Variants in ZNF341 observed in about 807,000 individuals in gnomAD.
The protein encoded by ZNF341 is zinc finger protein 341.
ZNF341 carries 52 observed loss-of-function variants against 87.7 expected under a neutral mutation model. The ratio of observed to expected loss-of-function variants is 0.59; its 90% CI spans 0.47 to 0.75. The LOEUF is 0.75. Ranked by LOEUF, ZNF341 falls within the 30% of genes least tolerant of loss-of-function variation. The probability of loss-of-function intolerance (pLI) is 0.00; values close to 1 mark genes in which losing one functional copy is unlikely to be tolerated. For missense variants in ZNF341, 977 were observed against 1,145.9 expected, an observed-to-expected ratio of 0.85 and a Z score of 2.13; for synonymous variants, 459 against 472.7, an observed-to-expected ratio of 0.97 and a Z score of 0.38.
intron 10 of ZNF341, among the ~76,000 whole-genome samples, chr20:33,775,911 G>C (rs1217050319): frequency 6.6e-6 from 1 of 151,612 alleles, no homozygotes; most frequent in Non-Finnish European, 1.5e-5. Flanking sequence ...TATTGCCCAG[G>C]CTGGCCTAGA....
chr20:33,783,154 C>CAAATAAAATA (rs71192773), intron 11 of ZNF341, among the ~76,000 whole-genome samples: 59,923 of 149,744 alleles, frequency 0.4, 12,524 homozygotes, highest in African/African-American at 0.53. Context: ...AACTGCATCT[C>CAAATAAAATA]AAATAAAATA....
chr20:33,733,764 T>C (rs1215539643), intron 1 of ZNF341, among the ~76,000 whole-genome samples: 1 of 152,182 alleles, frequency 6.6e-6, no homozygotes, highest in African/African-American at 2.4e-5. Context: ...ATTCAAAGAC[T>C]GACTGAGACA....
intron 2 of ZNF341, among the ~76,000 whole-genome samples, chr20:33,744,138 C>T (rs1305697549): frequency 6.6e-6 from 1 of 151,920 alleles, no homozygotes; most frequent in Non-Finnish European, 1.5e-5. Context: ...CAAAAATTAG[C>T]CGGGCGTGGT....
At chr20:33,745,038 C>CT (rs1172870411) in intron 2 of ZNF341, 65 bp from the exon 3 acceptor site, 44 of 1,478,416 alleles carry the variant, frequency 3.0e-5, no homozygotes, top group South Asian at 3.7e-5. Context: ...CATAGTCTTG[C>CT]TTTTTTTTCA....
At chr20:33,778,155 T>TC (rs2019665309) in intron 10 of ZNF341, among the ~76,000 whole-genome samples, 1 of 152,108 alleles carries the variant, frequency 6.6e-6, no homozygotes, top group Non-Finnish European at 1.5e-5. Flanking sequence ...AATCTATGTC[T>TC]CCCCCAAACC....
At chr20:33,749,557 G>C (rs1464451559) in intron 4 of ZNF341, among the ~76,000 whole-genome samples, 1 of 152,040 alleles carries the variant, frequency 6.6e-6, no homozygotes, top group Non-Finnish European at 1.5e-5. Context: ...TCAGCCTCCT[G>C]AAGTGCTAGG....
chr20:33,780,477 G>A (rs954948626), intron 10 of ZNF341, among the ~76,000 whole-genome samples: 4 of 151,894 alleles, frequency 2.6e-5, no homozygotes, highest in Non-Finnish European at 5.9e-5. Context: ...GTGCGATCTC[G>A]GCTCACTGCA....
At chr20:33,759,773 G>GGA (rs747433113) in intron 7 of ZNF341, among the ~76,000 whole-genome samples, 20 of 97,366 alleles carry the variant, frequency 2.1e-4, no homozygotes, top group South Asian at 5.3e-4. Flanking sequence ...AGAGAGAGAG[G>GGA]GAGAGAGAGA....
intron 8 of ZNF341, among the ~76,000 whole-genome samples, chr20:33,764,200 G>A (rs572895300): frequency 6.7e-6 from 1 of 149,746 alleles, no homozygotes; most frequent in Admixed American, 6.7e-5. Context: ...AATTTTTTTT[G>A]TATTTTTAGT....
chr20:33,771,564 A>G (rs567209553), intron 10 of ZNF341, among the ~76,000 whole-genome samples: 4 of 152,172 alleles, frequency 2.6e-5, no homozygotes, highest in African/African-American at 9.6e-5. Context: ...GATTCTTAGA[A>G]TGAACAAGGG....
rs539563182 is a variant in ZNF341 at position 33,768,718 on chromosome 20, C to T, written c.1414-1366C>T. 9.2e-5 allele frequency among the ~76,000 whole-genome samples: 14 copies of T among 152,310 alleles called. No individual in the cohort carries two copies. The East Asian group carries it at 1.4e-3, about 15-fold the overall frequency. ...GATTACAGGCATGAGCCACCACGCC[C>T]GGCCTGGATCAAGTGTTTTAACTAG... On this transcript the variant is annotated intron_variant, in intron 9 of 14. Transcript: ENST00000375200.
At chr20:33,763,643 C>A (rs190951581) in intron 8 of ZNF341, among the ~76,000 whole-genome samples, 2 of 152,192 alleles carry the variant, frequency 1.3e-5, no homozygotes, top group Admixed American at 1.3e-4. Flanking sequence ...CATCCCTGCT[C>A]AGAATCTGTT....
At chr20:33,758,665 C>T (rs2019230112) in intron 6 of ZNF341, 51 bp from the exon 7 acceptor site, 3 of 1,486,350 alleles carry the variant, frequency 2.0e-6, no homozygotes, top group Admixed American at 1.7e-5. Flanking sequence ...CCCTTGGTGC[C>T]CTGAGCTGCA....
chr20:33,769,242 C>T (rs906540486), intron 9 of ZNF341, among the ~76,000 whole-genome samples: 1 of 151,938 alleles, frequency 6.6e-6, no homozygotes, highest in Non-Finnish European at 1.5e-5. Flanking sequence ...TAGGCAGGCT[C>T]CTTAGACAGC....
chr20:33,777,333 A>G (rs2019648741), intron 10 of ZNF341, among the ~76,000 whole-genome samples: 1 of 138,470 alleles, frequency 7.2e-6, no homozygotes, highest in African/African-American at 3.1e-5. Flanking sequence ...AAAAAAAAAA[A>G]AAAAAAAAAA....
rs765886270 is a variant in ZNF341, at chr20:33,791,019, C to T, written c.2067C>T (p.Ser689=). ...AGCTCCACAAATGCGCCCTGTGCAG[C>T]AAGTCCTTCAGCCGCCGTGCCCACC... ...GMKLHKCALC[S]KSFSRRAHLA... is the part of the protein sequence containing the mutation. The change falls in exon 15 of 15, where the codon AGC becomes AGT. Residue 689 remains serine (S), a synonymous_variant. Transcript: ENST00000375200. 5.0e-6 allele frequency: 8 copies of T among 1,613,122 alleles called. No homozygotes were observed. In the Admixed American group the frequency reaches 1.3e-4, roughly 27 times the overall value.
At chr20:33,740,802 C>T in intron 1 of ZNF341, 100 bp from the exon 2 acceptor site, 1 of 1,057,920 alleles carries the variant, frequency 9.5e-7, no homozygotes, top group South Asian at 1.4e-5. Context: ...GCCACCGTAC[C>T]CAGCCGCCAC....
Position 33,748,270 on chromosome 20 carries a change from C to T in ZNF341, c.340-653C>T, listed in dbSNP as rs575696139. The stretch of plus-strand genomic sequence containing the variant: ...TATTTTTAGTAGAGATGGGGTTTCA[C>T]CACGTTGGCCAGGATGGTCTCGATC... On this transcript the variant is annotated intron_variant, in intron 3 of 14. Transcript: ENST00000375200. Among the ~76,000 whole-genome samples the T allele has an allele frequency of 4.1e-4, 63 of 152,034 alleles. 1 individual carries two copies. The highest frequency in any genetic ancestry group is 3.3e-3 in the Admixed American group (50 of 15,258).
chr20:33,789,042 G>T (rs2019938777), intron 13 of ZNF341, 68 bp downstream of exon 13: 1 of 1,270,594 alleles, frequency 7.9e-7, no homozygotes, highest in East Asian at 2.4e-5. Context: ...TGCTGGGGAG[G>T]GTGGGACAGA....
Sources: gnomAD v4.1 joint callset for allele counts (sites outside exome capture counted in the v4.1 genomes callset) on GRCh38, gnomAD v4.1.1 for gene constraint, MANE v1.5 for transcripts, NCBI Gene and HGNC (gene_info 2026-07-23, HGNC 2026-07-21) for gene names.